The following DLG2 variants were observed in gnomAD, a reference collection of about 807,000 sequenced individuals.
DLG2 encodes disks large homolog 2.
In DLG2, 45 loss-of-function variants were observed where a neutral mutation model predicts 132.5. The observed-to-expected ratio is 0.34, with a 90% CI of 0.27 to 0.44. The LOEUF is 0.44. Among genes scored for constraint, DLG2 ranks in the 20% least tolerant of loss-of-function variants. DLG2 has a pLI of 1.00. For missense variants in DLG2, 1,045 were observed against 1,196.9 expected, an observed-to-expected ratio of 0.87 and a Z score of 1.87; for synonymous variants, 424 against 419.6, an observed-to-expected ratio of 1.01 and a Z score of -0.13.
chr11:84,394,459 C>T (rs2098804197), intron 7 of DLG2, among the ~76,000 whole-genome samples: 1 of 151,894 alleles, frequency 6.6e-6, no homozygotes, highest in South Asian at 2.1e-4. Flanking sequence ...CTGCATCCCT[C>T]CCTCTCAGCC....
chr11:84,644,076 A>AT lies in DLG2; in HGVS notation c.358-109346dup, dbSNP rs144570849. On this transcript the variant is annotated intron_variant, in intron 6 of 27. Coordinates refer to ENST00000376104, the MANE Select transcript of DLG2 (RefSeq NM_001142699.3). Reference sequence around the variant, plus strand: ...CAAACCTGCCTGTTTCTAAATGTTTATTTTTTGCTTCCCCAATACGTGGCC... The same window carrying AT: ...CAAACCTGCCTGTTTCTAAATGTTTATTTTTTTGCTTCCCCAATACGTGGCC... Among the ~76,000 whole-genome samples the AT allele has an allele frequency of 3.7e-3, 567 of 152,234 alleles. 6 individuals are homozygous for AT. The highest frequency in any genetic ancestry group is 0.013 in the African/African-American group (527 of 41,548).
chr11:83,567,462 C>A (rs1487680821), intron 19 of DLG2, among the ~76,000 whole-genome samples: 1 of 152,034 alleles, frequency 6.6e-6, no homozygotes, highest in African/African-American at 2.4e-5. Flanking sequence ...TCTTCGTTTT[C>A]CCAACTATAA....
intron 6 of DLG2, among the ~76,000 whole-genome samples, chr11:85,014,815 T>A (rs2059435323): frequency 6.6e-6 from 1 of 152,208 alleles, no homozygotes; most frequent in South Asian, 2.1e-4. Context: ...GGGCACCTTA[T>A]GCCTCTGGAG....
chr11:84,858,205 T>C (rs1348371676), intron 6 of DLG2, among the ~76,000 whole-genome samples: 1 of 152,078 alleles, frequency 6.6e-6, no homozygotes, highest in African/African-American at 2.4e-5. Flanking sequence ...CCTAAAAATG[T>C]TTTCTTTTTT....
At chr11:83,784,707 A>G (rs1712559752) in intron 18 of DLG2, among the ~76,000 whole-genome samples, 1 of 152,264 alleles carries the variant, frequency 6.6e-6, no homozygotes, top group African/African-American at 2.4e-5. Context: ...CTACATTGAT[A>G]GAACAGGGAC....
At chr11:84,275,637 G>A (rs763831765) in intron 7 of DLG2, among the ~76,000 whole-genome samples, 1 of 152,202 alleles carries the variant, frequency 6.6e-6, no homozygotes, top group Non-Finnish European at 1.5e-5. Flanking sequence ...TTACAGGCAT[G>A]AGCCACACAC....
intron 6 of DLG2, among the ~76,000 whole-genome samples, chr11:84,612,924 G>C (rs1466995671): frequency 2.0e-5 from 3 of 152,080 alleles, no homozygotes; most frequent in Non-Finnish European, 4.4e-5. Flanking sequence ...AAAAGATTTT[G>C]TTCATTCCAA....
intron 6 of DLG2, among the ~76,000 whole-genome samples, chr11:84,883,497 G>T (rs1486673121): frequency 6.6e-6 from 1 of 151,660 alleles, no homozygotes; most frequent in East Asian, 1.9e-4. Flanking sequence ...TCTACATGTT[G>T]AATAATTTTA....
At chr11:83,684,572 G>T (rs2079401935) in intron 18 of DLG2, 1 of 152,112 alleles carries the variant, frequency 6.6e-6, no homozygotes, top group African/African-American at 2.4e-5. Context: ...GGAGGTAAGG[G>T]GTGGAGTAAG....
intron 6 of DLG2, among the ~76,000 whole-genome samples, chr11:84,761,070 G>C (rs190404709): frequency 6.6e-6 from 1 of 152,290 alleles, no homozygotes; most frequent in African/African-American, 2.4e-5. Context: ...TTGTGAAAAA[G>C]CAGAGGGTCC....
chr11:85,235,484 C>G (rs1565196173), intron 4 of DLG2, among the ~76,000 whole-genome samples: 1 of 151,828 alleles, frequency 6.6e-6, no homozygotes, highest in Non-Finnish European at 1.5e-5. Context: ...GAAGTACAAG[C>G]AAAATTCATT....
chr11:84,523,359 C>A (rs1318350792), intron 7 of DLG2, among the ~76,000 whole-genome samples: 2 of 152,078 alleles, frequency 1.3e-5, no homozygotes, highest in African/African-American at 4.8e-5. Context: ...AGCTAGAAAG[C>A]AACTAAGCTA....
chr11:84,081,710 G>A (rs1054138524), intron 10 of DLG2, among the ~76,000 whole-genome samples: 4 of 152,190 alleles, frequency 2.6e-5, no homozygotes, highest in African/African-American at 9.7e-5. Flanking sequence ...TCTTAATCCA[G>A]TCTATCACTG....
At chr11:84,581,873 CT>C (rs2099517158) in intron 6 of DLG2, among the ~76,000 whole-genome samples, 1 of 142,830 alleles carries the variant, frequency 7.0e-6, no homozygotes, top group African/African-American at 2.6e-5. Flanking sequence ...CCTCATTGCA[CT>C]CTAGCCTGGC....
intron 12 of DLG2, 108 bp from the exon 13 acceptor site, chr11:83,965,576 T>C (rs1025091695): frequency 1.2e-6 from 1 of 855,204 alleles, no homozygotes; most frequent in Non-Finnish European, 1.8e-6. Flanking sequence ...TACTGTCCAG[T>C]ATCCTTGACA....
chr11:83,869,457 C>A (rs998891824), intron 16 of DLG2, among the ~76,000 whole-genome samples: 1 of 152,086 alleles, frequency 6.6e-6, no homozygotes, highest in Non-Finnish European at 1.5e-5. Context: ...CCAATGGAGC[C>A]ATGGTTTCAT....
intron 9 of DLG2, among the ~76,000 whole-genome samples, chr11:84,146,258 C>T (rs2095077143): frequency 1.6e-5 from 1 of 64,278 alleles, no homozygotes; most frequent in African/African-American, 3.7e-5. Context: ...GCTTTATCAT[C>T]TTACTCCATG....
intron 3 of DLG2, among the ~76,000 whole-genome samples, chr11:85,423,615 G>T (rs936552933): frequency 6.6e-6 from 1 of 152,078 alleles, no homozygotes. Flanking sequence ...AGCTGCTGTG[G>T]GGGATGGGGG....
chr11:84,327,194 T>A (rs1024324239), intron 7 of DLG2, among the ~76,000 whole-genome samples: 1 of 149,162 alleles, frequency 6.7e-6, no homozygotes, highest in African/African-American at 2.5e-5. Flanking sequence ...TCGGCTCACT[T>A]CAACCTCTGC....
Sources: allele counts gnomAD v4.1 joint callset (sites outside exome capture counted in the v4.1 genomes callset), GRCh38; gene constraint gnomAD v4.1.1; transcripts MANE v1.5; gene names NCBI Gene and HGNC (gene_info 2026-07-23, HGNC 2026-07-21).